Variants in ROR2 observed in about 807,000 individuals in gnomAD.
The protein encoded by ROR2 is ROR family WNT receptor 2.
In ROR2, 33 loss-of-function variants were observed where a neutral mutation model predicts 74.9. The ratio of observed to expected loss-of-function variants is 0.44; its 90% CI spans 0.33 to 0.59. The LOEUF is 0.59. ROR2 is among the 20% of genes least tolerant of loss of function. The pLI, the probability that ROR2 is intolerant of heterozygous loss-of-function variation, is 0.02. For synonymous variants in ROR2, 586 were observed against 558.7 expected, an observed-to-expected ratio of 1.05 and a Z score of -0.69; for missense variants, 1,216 against 1,313.8, an observed-to-expected ratio of 0.93 and a Z score of 1.15.
chr9:91,901,263 A>G (rs1830671272), intron 1 of ROR2, among the ~76,000 whole-genome samples: 1 of 152,224 alleles, frequency 6.6e-6, no homozygotes. Flanking sequence ...AACTGTACCC[A>G]TGGGAAATGC....
intron 7 of ROR2, among the ~76,000 whole-genome samples, chr9:91,727,322 T>C (rs955358519): frequency 6.6e-6 from 1 of 151,936 alleles, no homozygotes; most frequent in Non-Finnish European, 1.5e-5. Flanking sequence ...CTTGACCCAA[T>C]ACAATATGCA....
chr9:91,915,079 G>A (rs191686906), intron 1 of ROR2, among the ~76,000 whole-genome samples: 20 of 152,174 alleles, frequency 1.3e-4, no homozygotes, highest in East Asian at 5.8e-4. Flanking sequence ...CAGCAGGGGC[G>A]GCTCCGTACC....
intron 1 of ROR2, among the ~76,000 whole-genome samples, chr9:91,882,410 CAA>C (rs35759814): frequency 4.0e-4 from 47 of 118,596 alleles, no homozygotes; most frequent in East Asian, 7.0e-4. Context: ...GACTCTGTCT[CAA>C]AAAAAAAAAA....
intron 4 of ROR2, among the ~76,000 whole-genome samples, chr9:91,749,614 C>G (rs1403792546): frequency 6.6e-6 from 1 of 152,170 alleles, no homozygotes. Flanking sequence ...GTACTGTTAG[C>G]ATACTGTGGA....
At chr9:91,946,136 CA>C (rs1832008115) in intron 1 of ROR2, among the ~76,000 whole-genome samples, 1 of 152,234 alleles carries the variant, frequency 6.6e-6, no homozygotes, top group Non-Finnish European at 1.5e-5. Context: ...ACAGTCCCTT[CA>C]TGAAATTGCT....
intron 2 of ROR2, among the ~76,000 whole-genome samples, chr9:91,760,553 GA>G (rs1210486115): frequency 6.6e-6 from 1 of 151,314 alleles, no homozygotes; most frequent in East Asian, 2.0e-4. Context: ...AGAATGGCGT[GA>G]ACCCGGGAGG....
At chr9:91,845,458 G>A (rs1246546557) in intron 1 of ROR2, among the ~76,000 whole-genome samples, 1 of 152,128 alleles carries the variant, frequency 6.6e-6, no homozygotes, top group Non-Finnish European at 1.5e-5. Context: ...CACAGGACAA[G>A]CATATGCACT....
chr9:91,839,578 GTGTT>G (rs1350565156), intron 1 of ROR2, among the ~76,000 whole-genome samples: 7 of 151,404 alleles, frequency 4.6e-5, no homozygotes, highest in African/African-American at 1.5e-4. Context: ...GTGAGGGAGT[GTGTT>G]TGTGTGTTTC....
intron 2 of ROR2, among the ~76,000 whole-genome samples, chr9:91,764,843 G>A (rs1826014622): frequency 6.6e-6 from 1 of 152,160 alleles, no homozygotes; most frequent in African/African-American, 2.4e-5. Flanking sequence ...GTGAATGATA[G>A]TTTCGTTGGG....
At chr9:91,776,437 C>A (rs1445789898) in intron 1 of ROR2, among the ~76,000 whole-genome samples, 2 of 152,178 alleles carry the variant, frequency 1.3e-5, no homozygotes, top group African/African-American at 4.8e-5. Flanking sequence ...CCATGACCAG[C>A]CATTTAGAAG....
At chr9:91,942,944 G>A (rs778062309) in intron 1 of ROR2, among the ~76,000 whole-genome samples, 7 of 152,262 alleles carry the variant, frequency 4.6e-5, no homozygotes, top group South Asian at 2.1e-4. Flanking sequence ...AGGTCACCCC[G>A]TTTATGGCAT....
At chr9:91,895,888 C>A in intron 1 of ROR2, among the ~76,000 whole-genome samples, 1 of 152,140 alleles carries the variant, frequency 6.6e-6, no homozygotes, top group East Asian at 1.9e-4. Context: ...AAAAATGACT[C>A]TACTCTTAAT....
rs117480651 is a variant in ROR2 at position 91,746,373 on chromosome 9, G to A, written c.495-8855C>T. ...ATTACAGGCCTGAGCCACCATGCCTGGCCTGGCCTGGTTTCTGCTCACGTC... is the reference window on the plus strand; with the variant it reads ...ATTACAGGCCTGAGCCACCATGCCTAGCCTGGCCTGGTTTCTGCTCACGTC... On this transcript the variant is annotated intron_variant, in intron 4 of 8. Coordinates refer to ENST00000375708, the MANE Select transcript of ROR2 (RefSeq NM_004560.4). Among the ~76,000 whole-genome samples the A allele has an allele frequency of 9.7e-3, 1,481 of 152,278 alleles. 19 individuals are homozygous for A. The highest frequency in any genetic ancestry group is 0.041 in the East Asian group (211 of 5,182).
chr9:91,803,849 G>C (rs1275534719), intron 1 of ROR2, among the ~76,000 whole-genome samples: 1 of 152,208 alleles, frequency 6.6e-6, no homozygotes, highest in African/African-American at 2.4e-5. Context: ...GAATTGCTTT[G>C]ACTGTGCAAG....
chr9:91,933,743 G>A (rs1288626084), intron 1 of ROR2, among the ~76,000 whole-genome samples: 1 of 152,104 alleles, frequency 6.6e-6, no homozygotes, highest in Non-Finnish European at 1.5e-5. Flanking sequence ...GACACAAAAG[G>A]CCACATACTG....
intron 4 of ROR2, among the ~76,000 whole-genome samples, chr9:91,753,538 T>C (rs1825652773): frequency 6.6e-6 from 1 of 152,196 alleles, no homozygotes; most frequent in African/African-American, 2.4e-5. Context: ...AAAAAGGGGA[T>C]GCCTGTGCCC....
At chr9:91,921,146 C>T (rs1831253671) in intron 1 of ROR2, among the ~76,000 whole-genome samples, 2 of 152,208 alleles carry the variant, frequency 1.3e-5, no homozygotes, top group South Asian at 2.1e-4. Context: ...AAGCACTGTC[C>T]CTTCCCCACA....
At chr9:91,811,187 A>G (rs1296385031) in intron 1 of ROR2, among the ~76,000 whole-genome samples, 4 of 152,244 alleles carry the variant, frequency 2.6e-5, no homozygotes, top group Non-Finnish European at 5.9e-5. Flanking sequence ...CTGGTGGGGG[A>G]AAAGCTGTCA....
At position 91,730,765 on chromosome 9, in the gene ROR2, T is replaced by C. The variant is rs1159187259; in HGVS notation, c.1183+145A>G. 4 of 1,154,206 alleles carry C rather than the reference T, an allele frequency of 3.5e-6. No individual in the cohort carries two copies. The South Asian group carries it at 4.3e-5, about 12-fold the overall frequency. The allele number at this position is 1,154,206 out of a possible 1,614,324, so 71.5% of individuals were successfully genotyped here. A position where few individuals can be genotyped will look rare whatever the true frequency, so the allele number is the denominator to read the frequency against. On this transcript the variant is annotated intron_variant, in intron 7 of 8. Transcript: ENST00000375708. ...CACTACGCGTGGCCCAACAGCTTTA[T>C]TTAAAATGGTCACTGTGGTAAGATC... is the stretch of plus-strand genomic sequence containing the variant.
Sources: allele counts gnomAD v4.1 joint callset (sites outside exome capture counted in the v4.1 genomes callset), GRCh38; gene constraint gnomAD v4.1.1; transcripts MANE v1.5; gene names NCBI Gene and HGNC (gene_info 2026-07-23, HGNC 2026-07-21).